RCAN1: variants seen among roughly 807,000 people sequenced by gnomAD.
The protein encoded by RCAN1 is regulator of calcineurin 1.
Under a neutral mutation model 22.9 loss-of-function variants are expected in RCAN1, and 11 were observed. That is an observed-to-expected ratio of 0.48 (90% CI 0.30 to 0.79). The LOEUF (loss-of-function observed/expected upper bound fraction) is 0.79. Ranked by LOEUF, RCAN1 falls within the 30% of genes least tolerant of loss-of-function variation. The pLI, the probability that RCAN1 is intolerant of heterozygous loss-of-function variation, is 0.06. For missense variants in RCAN1, 291 were observed against 337.8 expected, an observed-to-expected ratio of 0.86 and a Z score of 1.09; for synonymous variants, 136 against 142.3, an observed-to-expected ratio of 0.96 and a Z score of 0.32.
At chr21:34,607,083 T>A (rs1172836860) in intron 1 of RCAN1, among the ~76,000 whole-genome samples, 4 of 152,212 alleles carry the variant, frequency 2.6e-5, no homozygotes, top group Non-Finnish European at 5.9e-5. Context: ...TGATTGCACA[T>A]GGGAATTTCA....
intron 1 of RCAN1, among the ~76,000 whole-genome samples, chr21:34,573,464 C>T (rs1307435038): frequency 1.3e-5 from 2 of 152,168 alleles, no homozygotes; most frequent in African/African-American, 4.8e-5. Flanking sequence ...TTCCAATAAT[C>T]GAACATTACA....
intron 1 of RCAN1, among the ~76,000 whole-genome samples, chr21:34,565,898 C>G (rs1425571154): frequency 6.6e-6 from 1 of 152,328 alleles, no homozygotes; most frequent in East Asian, 1.9e-4. Context: ...GGGCGGAGCT[C>G]ACACCTGGGT....
chr21:34,576,452 C>G (rs1987413746), intron 1 of RCAN1, among the ~76,000 whole-genome samples: 1 of 152,182 alleles, frequency 6.6e-6, no homozygotes. Context: ...CGGACACAAA[C>G]CCAAGTGTGG....
intron 1 of RCAN1, among the ~76,000 whole-genome samples, chr21:34,578,811 G>C (rs1432059572): frequency 6.6e-6 from 1 of 152,152 alleles, no homozygotes; most frequent in East Asian, 1.9e-4. Flanking sequence ...GCGCCCAACA[G>C]AGTGGGTCCT....
intron 1 of RCAN1, among the ~76,000 whole-genome samples, chr21:34,570,641 T>C (rs1416616264): frequency 8.9e-6 from 1 of 111,766 alleles, no homozygotes; most frequent in Admixed American, 8.5e-5. Context: ...TAGTGGACTC[T>C]TTTTTTTTTT....
intron 1 of RCAN1, among the ~76,000 whole-genome samples, chr21:34,592,503 C>T (rs759455912): frequency 7.2e-5 from 11 of 152,124 alleles, no homozygotes; most frequent in Non-Finnish European, 1.0e-4. Flanking sequence ...TCCCATTTTC[C>T]CAGCACTAGG....
intron 3 of RCAN1, among the ~76,000 whole-genome samples, chr21:34,519,200 C>T (rs1984284264): frequency 1.3e-5 from 2 of 152,124 alleles, no homozygotes. Context: ...CTTGTCCAGC[C>T]CATGTCACCT....
At position 34,577,590 on chromosome 21, in the gene RCAN1, C is replaced by T. The variant is rs142367693; in HGVS notation, c.252+37170G>A. 3.6e-3 allele frequency among the ~76,000 whole-genome samples: 551 copies of T among 152,182 alleles called. 3 individuals carry two copies. Among genetic ancestry groups the T allele is most frequent in the Non-Finnish European group, 5.7e-3 (391 of 68,014 alleles). ...TTCCAGCCTGAGTGACAGAGCCAGA[C>T]CCTGTCTCAAAAACAAACAAACAAA... On this transcript the variant is annotated intron_variant, in intron 1 of 3. Coordinates refer to ENST00000313806, the MANE Select transcript of RCAN1 (RefSeq NM_004414.7).
In RCAN1 at chr21:34,518,048, A is replaced by G; in HGVS notation, c.*36T>C. 1 of 1,610,352 alleles carries G rather than the reference A, an allele frequency of 6.2e-7. No individual in the cohort carries two copies. The highest frequency in any genetic ancestry group is 8.5e-7 in the Non-Finnish European group (1 of 1,177,620). On this transcript the variant is annotated 3_prime_UTR_variant, in exon 4 of 4. Coordinates refer to ENST00000313806, the MANE Select transcript of RCAN1 (RefSeq NM_004414.7). The surrounding 1 kb of genome is among the most constrained non-coding windows in gnomAD (Gnocchi z 4.2). ...TCCACAGTAAAAGATTCCTCCCGTG[A>G]GTATGATTTGGAATGCGTCCTCGTC... is the stretch of plus-strand genomic sequence containing the variant.
At chr21:34,559,708 CTCTT>C (rs1466268495) in intron 1 of RCAN1, 1 of 152,182 alleles carries the variant, frequency 6.6e-6, no homozygotes, top group Non-Finnish European at 1.5e-5. Flanking sequence ...CATGTATTAA[CTCTT>C]TCAAGTTTCT....
intron 1 of RCAN1, among the ~76,000 whole-genome samples, chr21:34,596,941 C>T (rs1041355443): frequency 6.6e-6 from 1 of 152,146 alleles, no homozygotes; most frequent in African/African-American, 2.4e-5. Flanking sequence ...TGATAACTTA[C>T]AGAAGGGAAA....
At position 34,614,082 on chromosome 21, in the gene RCAN1, G is replaced by C. The variant is rs561988664; in HGVS notation, c.252+678C>G. ...TGTCTAAATTGTGTGGATTTTGCGG[G>C]GGTGGGGGGAGGCGGGGGAAGGAGT... is the stretch of plus-strand genomic sequence containing the variant. On this transcript the variant is annotated intron_variant, in intron 1 of 3. Coordinates refer to ENST00000313806, the MANE Select transcript of RCAN1 (RefSeq NM_004414.7). The surrounding 1 kb of genome is among the most constrained non-coding windows in gnomAD (Gnocchi z 6.0). Among the ~76,000 whole-genome samples, 1 of 152,194 alleles carries C rather than the reference G, an allele frequency of 6.6e-6. No individual in the cohort carries two copies. The highest frequency in any genetic ancestry group is 1.5e-5 in the Non-Finnish European group (1 of 68,030).
At chr21:34,548,634 T>C (rs1157503552) in intron 1 of RCAN1, among the ~76,000 whole-genome samples, 1 of 152,244 alleles carries the variant, frequency 6.6e-6, no homozygotes, top group Non-Finnish European at 1.5e-5. Context: ...TGTAAAACCT[T>C]TGTCTTTAAC....
chr21:34,567,834 G>A lies in RCAN1; in HGVS notation c.253-44124C>T, dbSNP rs1013845381. ...AACATAAGAGGAAAATGGGGTTGGA[G>A]CCACGAGGCTTGCTTTTGCCACTTA... is the stretch of plus-strand genomic sequence containing the variant. On this transcript the variant is annotated intron_variant, in intron 1 of 3. Transcript: ENST00000313806. 7.0e-4 allele frequency among the ~76,000 whole-genome samples: 107 copies of A among 152,304 alleles called. 1 individual carries two copies. The highest frequency in any genetic ancestry group is 2.4e-3 in the African/African-American group (101 of 41,562).
chr21:34,545,583 T>C (rs997356235), intron 1 of RCAN1, among the ~76,000 whole-genome samples: 4 of 152,210 alleles, frequency 2.6e-5, no homozygotes, highest in Non-Finnish European at 4.4e-5. Flanking sequence ...AGATCCTTTG[T>C]GTTCCCTGAG....
chr21:34,538,998 A>G (rs2123620164), intron 1 of RCAN1, among the ~76,000 whole-genome samples: 1 of 152,334 alleles, frequency 6.6e-6, no homozygotes, highest in South Asian at 2.1e-4. Flanking sequence ...ACTGAACACT[A>G]CAAAAATGCT....
At chr21:34,551,435 A>G (rs1035394067) in intron 1 of RCAN1, among the ~76,000 whole-genome samples, 6 of 152,258 alleles carry the variant, frequency 3.9e-5, no homozygotes, top group Admixed American at 1.3e-4. Context: ...ATGGTAATAA[A>G]GTAACCAATT....
At chr21:34,556,630 G>T (rs550507735) in intron 1 of RCAN1, among the ~76,000 whole-genome samples, 5 of 152,170 alleles carry the variant, frequency 3.3e-5, no homozygotes, top group African/African-American at 1.2e-4. Flanking sequence ...ATATACAACA[G>T]AACTCTCTTG....
chr21:34,526,939 A>G, intron 1 of RCAN1: 1 of 1,400,642 alleles, frequency 7.1e-7, no homozygotes, highest in Non-Finnish European at 9.2e-7. Flanking sequence ...TCCTGAGTCA[A>G]GTCCTGCATG....
Sources: allele counts gnomAD v4.1 joint callset (sites outside exome capture counted in the v4.1 genomes callset), GRCh38; gene constraint gnomAD v4.1.1; non-coding constraint Gnocchi (gnomAD v3.1); transcripts MANE v1.5; gene names NCBI Gene and HGNC (gene_info 2026-07-23, HGNC 2026-07-21).